Variants in COL24A1 observed in about 807,000 individuals in gnomAD.
COL24A1 encodes collagen alpha-1(XXIV) chain.
A neutral mutation model predicts 253.9 loss-of-function variants in COL24A1; 224 were observed. The observed-to-expected ratio is 0.88, with a 90% CI of 0.79 to 0.99. The LOEUF (loss-of-function observed/expected upper bound fraction) is 0.99. COL24A1 is among the 50% of genes least tolerant of loss of function. The pLI is 0.00. For missense variants in COL24A1, 2,131 were observed against 2,068.5 expected (o/e 1.03, Z -0.59); for synonymous variants, 685 against 673.7 (o/e 1.02, Z -0.26).
At chr1:86,035,406 ATGAT>A (rs1698916905) in intron 12 of COL24A1, among the ~76,000 whole-genome samples, 1 of 152,140 alleles carries the variant, frequency 6.6e-6, no homozygotes, top group Non-Finnish European at 1.5e-5. Context: ...AACATAAGAG[ATGAT>A]TGATTTTTTT....
At chr1:85,920,572 T>C (rs1046281879) in intron 24 of COL24A1, among the ~76,000 whole-genome samples, 7 of 152,298 alleles carry the variant, frequency 4.6e-5, no homozygotes, top group Non-Finnish European at 8.8e-5. Flanking sequence ...TAATCATATC[T>C]AGACTTGAAT....
chr1:86,093,194 A>T (rs981090091), intron 5 of COL24A1, among the ~76,000 whole-genome samples: 2 of 152,060 alleles, frequency 1.3e-5, no homozygotes, highest in Admixed American at 1.3e-4. Context: ...GAAGGATGAA[A>T]TACCAAAAGA....
intron 57 of COL24A1, among the ~76,000 whole-genome samples, chr1:85,743,648 G>T (rs1275895504): frequency 1.3e-5 from 2 of 151,978 alleles, no homozygotes; most frequent in Admixed American, 6.6e-5. Flanking sequence ...TACTAATTTT[G>T]TATGTCTTAC....
intron 47 of COL24A1, among the ~76,000 whole-genome samples, chr1:85,811,444 T>C (rs934053599): frequency 5.3e-5 from 8 of 152,170 alleles, no homozygotes; most frequent in Admixed American, 5.2e-4. Context: ...TTCTTTTGCA[T>C]ATATATATAC....
At chr1:86,147,694 G>A (rs1368471631) in intron 1 of COL24A1, among the ~76,000 whole-genome samples, 1 of 152,208 alleles carries the variant, frequency 6.6e-6, no homozygotes, top group Admixed American at 6.5e-5. Flanking sequence ...TTAACTAGGT[G>A]ATTCTAGTGC....
chr1:86,155,214 G>T (rs1354350074), intron 1 of COL24A1: 2 of 152,092 alleles, frequency 1.3e-5, no homozygotes. Context: ...CAGCAGCGAG[G>T]CTTCCAGGGG....
chr1:85,826,180 G>T (rs1674309346), intron 43 of COL24A1, among the ~76,000 whole-genome samples: 1 of 139,514 alleles, frequency 7.2e-6, no homozygotes, highest in Non-Finnish European at 1.6e-5. Context: ...ATGAAATAGG[G>T]AATCCTTTCC....
chr1:86,142,127 C>T (rs528884785), intron 2 of COL24A1, among the ~76,000 whole-genome samples: 2 of 151,706 alleles, frequency 1.3e-5, no homozygotes, highest in Non-Finnish European at 2.9e-5. Flanking sequence ...TTGAAAAAAT[C>T]GTCATTCTTA....
intron 1 of COL24A1, chr1:86,155,889 G>C: frequency 6.3e-6 from 1 of 158,580 alleles, no homozygotes; most frequent in Non-Finnish European, 1.4e-5. Flanking sequence ...ACTGACCCTG[G>C]GGGACCTCTA....
intron 58 of COL24A1, among the ~76,000 whole-genome samples, chr1:85,736,984 A>C (rs1410264582): frequency 6.6e-6 from 1 of 152,180 alleles, no homozygotes; most frequent in Non-Finnish European, 1.5e-5. Flanking sequence ...AATAACCATA[A>C]ATAGCAAGAT....
intron 35 of COL24A1, among the ~76,000 whole-genome samples, chr1:85,870,721 A>T (rs1467639065): frequency 6.6e-6 from 1 of 152,240 alleles, no homozygotes; most frequent in African/African-American, 2.4e-5. Context: ...AAGTTATAGC[A>T]CTAAATGCTC....
At chr1:85,905,942 A>G (rs1684777013) in intron 28 of COL24A1, among the ~76,000 whole-genome samples, 1 of 152,094 alleles carries the variant, frequency 6.6e-6, no homozygotes, top group African/African-American at 2.4e-5. Flanking sequence ...AAAGTTGAAT[A>G]AACACATTTG....
Position 85,842,123 on chromosome 1 carries a change from T to C in COL24A1, c.3517-2A>G, listed in dbSNP as rs888735296. 1.2e-6 allele frequency: 2 copies of C among 1,613,292 alleles called. No individual in the cohort carries two copies. The highest frequency in any genetic ancestry group is 1.7e-6 in the Non-Finnish European group (2 of 1,179,446). ...GGGTCCTGGTTGGCCCTGATGGCCC[T>C]ACGAAAGGACAAGTAGACATTTATA... On this transcript the variant is annotated splice_acceptor_variant, in intron 40 of 59. Coordinates refer to ENST00000370571, the MANE Select transcript of COL24A1 (RefSeq NM_152890.7). LOFTEE classifies it high-confidence loss of function.
intron 47 of COL24A1, among the ~76,000 whole-genome samples, chr1:85,805,126 G>A (rs1671830791): frequency 6.6e-6 from 1 of 152,206 alleles, no homozygotes; most frequent in Admixed American, 6.5e-5. Context: ...ACAGGCATGA[G>A]CCACTGCACC....
intron 5 of COL24A1, among the ~76,000 whole-genome samples, chr1:86,107,465 C>G (rs1705095199): frequency 6.6e-6 from 1 of 152,102 alleles, no homozygotes. Context: ...TTCACAAAAT[C>G]AAACACTACA....
chr1:85,898,756 C>T (rs925791157), intron 28 of COL24A1, among the ~76,000 whole-genome samples: 3 of 151,856 alleles, frequency 2.0e-5, no homozygotes, highest in African/African-American at 4.8e-5. Context: ...CAAATAAGTA[C>T]GTAAAACTAA....
At chr1:85,827,851 G>C (rs1369306170) in intron 43 of COL24A1, among the ~76,000 whole-genome samples, 2 of 151,892 alleles carry the variant, frequency 1.3e-5, no homozygotes, top group Non-Finnish European at 2.9e-5. Context: ...TATCAATTTT[G>C]TTGATCCTTT....
chr1:85,975,588 A>C (rs1224714501), intron 20 of COL24A1, among the ~76,000 whole-genome samples: 2 of 152,186 alleles, frequency 1.3e-5, no homozygotes, highest in Non-Finnish European at 2.9e-5. Context: ...ATAGAGAATA[A>C]ATTGAATGGT....
intron 14 of COL24A1, chr1:86,030,096 C>A (rs1204663158): frequency 6.6e-6 from 1 of 151,518 alleles, no homozygotes; most frequent in African/African-American, 2.4e-5. Context: ...AAAACGAAAA[C>A]AAAAGGAAAC....
Sources: allele counts gnomAD v4.1 joint callset (sites outside exome capture counted in the v4.1 genomes callset), GRCh38; gene constraint gnomAD v4.1.1; transcripts MANE v1.5; gene names NCBI Gene and HGNC (gene_info 2026-07-23, HGNC 2026-07-21).